Variants in AP5M1 observed in about 807,000 individuals in gnomAD.
AP5M1 encodes the protein adaptor related protein complex 5 subunit mu 1, also known as AP-5 complex subunit mu-1.
A neutral mutation model predicts 52.3 loss-of-function variants in AP5M1; 44 were observed. The ratio of observed to expected loss-of-function variants is 0.84; its 90% CI spans 0.66 to 1.08. The LOEUF (loss-of-function observed/expected upper bound fraction) is 1.08. AP5M1 is among the 50% of genes least tolerant of loss of function. The probability of loss-of-function intolerance (pLI) is 0.00; values close to 1 mark genes in which losing one functional copy is unlikely to be tolerated. For missense variants in AP5M1, 526 were observed against 568.4 expected (o/e 0.93, Z 0.76); for synonymous variants, 213 against 199.0 (o/e 1.07, Z -0.59).
At chr14:57,288,540 T>C (rs1885362109) in intron 7 of AP5M1, among the ~76,000 whole-genome samples, 2 of 151,884 alleles carry the variant, frequency 1.3e-5, no homozygotes, top group South Asian at 4.1e-4. Flanking sequence ...TTAGAGAAAA[T>C]GTGAAGATAA....
In AP5M1 at chr14:57,274,578, G is replaced by T. The variant is rs1465398845; in HGVS notation, c.409G>T (p.Gly137Trp). 6.2e-7 allele frequency: 1 copy of T among 1,614,068 alleles called. No individual in the cohort carries two copies. The highest frequency in any genetic ancestry group is 1.7e-5 in the Admixed American group (1 of 59,996). The change falls in exon 2 of 8, where the codon GGG becomes TGG. Residue 137 changes from glycine to tryptophan, a missense_variant. Gly to Trp is a radical substitution (Grantham distance 184). Coordinates refer to ENST00000261558, the MANE Select transcript of AP5M1 (RefSeq NM_018229.4). ...GVSQGFEFLFGIQDFLYSGQK... is the reference protein window; with the variant it reads ...GVSQGFEFLFWIQDFLYSGQK... ...TTCACAAGGCTTTGAATTTCTTTTT[G>T]GGATACAGGATTTTCTTTATTCAGG... is the stretch of plus-strand genomic sequence containing the variant.
intron 2 of AP5M1, among the ~76,000 whole-genome samples, chr14:57,276,094 A>G (rs909964717): frequency 2.6e-5 from 4 of 152,076 alleles, no homozygotes; most frequent in African/African-American, 9.7e-5. Flanking sequence ...TTTAACGTTA[A>G]AGTTACCTAA....
Position 57,269,043 on chromosome 14 carries a change from A to T in AP5M1, c.-272A>T, listed in dbSNP as rs1302956845. 3.1e-5 allele frequency: 17 copies of T among 554,592 alleles called. No homozygotes were observed. Among genetic ancestry groups the T allele is most frequent in the African/African-American group, 3.9e-5 (2 of 51,878 alleles). The allele number at this position is 554,592 out of a possible 1,614,324, so 34.4% of individuals were successfully genotyped here. On this transcript the variant is annotated 5_prime_UTR_variant, in exon 1 of 8. It adds an upstream start codon to the 5' untranslated region. Transcript: ENST00000261558. Reference sequence around the variant, plus strand: ...CATTCCGGAAGTAGAATTTAGAGGAAGAAAATACCGGAGTTGCAGGGTATA... The same window carrying T: ...CATTCCGGAAGTAGAATTTAGAGGATGAAAATACCGGAGTTGCAGGGTATA...
intron 7 of AP5M1, 49 bp downstream of exon 7, chr14:57,286,368 G>A (rs1885309415): frequency 1.0e-5 from 12 of 1,175,712 alleles, no homozygotes; most frequent in African/African-American, 3.0e-5. Flanking sequence ...AATGGTGTTT[G>A]CAGTTATTAC....
chr14:57,274,681 C>T lies in AP5M1; in HGVS notation c.512C>T (p.Thr171Ile), dbSNP rs1884977881. Reference protein sequence around the residue: ...DLLLQACPFGTLLDANLQNSL... With the variant: ...DLLLQACPFGILLDANLQNSL... ...CTTCTGCAGGCTTGTCCATTTGGTA[C>T]TTTATTAGATGCCAACTTACAGAAT... The change falls in exon 2 of 8, where the codon ACT becomes ATT. Residue 171 changes from threonine to isoleucine, a missense_variant. By Grantham distance (89) the Thr-to-Ile change is moderately conservative. Transcript: ENST00000261558. The T allele has an allele frequency of 1.2e-6, 2 of 1,614,034 alleles. No individual in the cohort carries two copies. Among genetic ancestry groups the T allele is most frequent in the Admixed American group, 1.7e-5 (1 of 60,004 alleles).
In AP5M1 at chr14:57,289,259, C is replaced by T. The variant is rs1885383192; in HGVS notation, c.*375C>T. 6.5e-6 allele frequency: 1 copy of T among 154,272 alleles called. No individual in the cohort carries two copies. Among genetic ancestry groups the T allele is most frequent in the African/African-American group, 2.4e-5 (1 of 41,446 alleles). 9.6% of individuals were successfully genotyped at this position (154,272 alleles called of 1,614,324 possible). ...TGAGCCTTGGATAAAGGGTCAGGCTCCTTTTTAGTTCAGAGATTCAGGCAG... is the reference window on the plus strand; with the variant it reads ...TGAGCCTTGGATAAAGGGTCAGGCTTCTTTTTAGTTCAGAGATTCAGGCAG... On this transcript the variant is annotated 3_prime_UTR_variant, in exon 8 of 8. Transcript: ENST00000261558.
intron 3 of AP5M1, 107 bp from the exon 4 acceptor site, chr14:57,281,967 GCTGTTACCAAAACAA>G: frequency 1.3e-6 from 1 of 774,196 alleles, no homozygotes; most frequent in Non-Finnish European, 1.9e-6. Flanking sequence ...ATTCATCATT[GCTGTTACCAAAACAA>G]CTTGGAATAA....
chr14:57,275,267 C>T, intron 2 of AP5M1: 1 of 296,178 alleles, frequency 3.4e-6, no homozygotes, highest in Non-Finnish European at 6.4e-6. Context: ...ATGACTCACT[C>T]ACATGGCTAA....
intron 7 of AP5M1, among the ~76,000 whole-genome samples, chr14:57,288,398 T>C (rs1885358914): frequency 6.6e-6 from 1 of 152,080 alleles, no homozygotes; most frequent in African/African-American, 2.4e-5. Context: ...TGTTAATTTA[T>C]ATCTCTGACA....
intron 2 of AP5M1, 74 bp downstream of exon 2, chr14:57,274,963 T>C: frequency 1.3e-6 from 2 of 1,523,422 alleles, no homozygotes; most frequent in East Asian, 4.5e-5. Flanking sequence ...GCTAGTTGTA[T>C]TTTAAATAAC....
chr14:57,293,088 G>C lies in AP5M1; in HGVS notation c.*4204G>C, dbSNP rs187756023. ...ATTTTAAATTTTGAAATATTATATG[G>C]AATTTTGCACAGTATTTTGAGAAAG... On this transcript the variant is annotated 3_prime_UTR_variant, in exon 8 of 8. Coordinates refer to ENST00000261558, the MANE Select transcript of AP5M1 (RefSeq NM_018229.4). 3.3e-5 allele frequency: 5 copies of C among 151,340 alleles called. No individual in the cohort carries two copies. The highest frequency in any genetic ancestry group is 4.4e-5 in the Non-Finnish European group (3 of 67,704). 9.4% of individuals were successfully genotyped at this position (151,340 alleles called of 1,614,324 possible).
At chr14:57,279,672 C>A (rs1885126358) in intron 2 of AP5M1, among the ~76,000 whole-genome samples, 1 of 152,018 alleles carries the variant, frequency 6.6e-6, no homozygotes, top group Non-Finnish European at 1.5e-5. Context: ...TGCACATGTA[C>A]CCTGGAACTT....
intron 2 of AP5M1, among the ~76,000 whole-genome samples, chr14:57,278,906 C>T (rs1446515464): frequency 6.6e-6 from 1 of 152,156 alleles, no homozygotes; most frequent in Non-Finnish European, 1.5e-5. Flanking sequence ...AGAAGACATA[C>T]ATGCAGCCAA....
At chr14:57,282,577 A>T (rs1171793519) in intron 4 of AP5M1, among the ~76,000 whole-genome samples, 1 of 152,320 alleles carries the variant, frequency 6.6e-6, no homozygotes, top group East Asian at 1.9e-4. Flanking sequence ...ATATTACTTT[A>T]TTATCAATTC....
At chr14:57,273,852 C>A (rs1884951188) in intron 1 of AP5M1, 1 of 638,136 alleles carries the variant, frequency 1.6e-6, no homozygotes. Flanking sequence ...CCTACTCTAG[C>A]TACTAAGATA....
chr14:57,280,392 G>C lies in AP5M1; in HGVS notation c.918G>C (p.Glu306Asp). The C allele has an allele frequency of 2.5e-6, 4 of 1,613,414 alleles. No homozygotes were observed. The highest frequency in any genetic ancestry group is 3.4e-6 in the Non-Finnish European group (4 of 1,179,320). ...AATTTCCATTCACTCCACCTTTAGA[G>C]TCATTCAACTTATGCTTCTACACTT... is the stretch of plus-strand genomic sequence containing the variant. ...PYKFPFTPPLESFNLCFYTSQ... is the reference protein window; with the variant it reads ...PYKFPFTPPLDSFNLCFYTSQ... Residue 306 changes from glutamate (E) to aspartate (D), a missense_variant, in exon 3 of 8, where the codon GAG becomes GAC. This residue lies in a region of AP5M1 where 425 missense variants were observed against 430.6 expected (regional missense o/e 0.99). Coordinates refer to ENST00000261558, the MANE Select transcript of AP5M1 (RefSeq NM_018229.4).
At position 57,284,694 on chromosome 14, in the gene AP5M1, A is replaced by G. The variant is rs189466641; in HGVS notation, c.1293+1464A>G. On this transcript the variant is annotated intron_variant, in intron 6 of 7. Transcript: ENST00000261558. ...CCAAGATGATATTGTTTAAAAAAAA[A>G]TGGAACTTAAACCAAACTTGACGCT... 6.0e-4 allele frequency among the ~76,000 whole-genome samples: 91 copies of G among 152,294 alleles called. 1 individual carries two copies. Among genetic ancestry groups the G allele is most frequent in the Admixed American group, 5.7e-3 (87 of 15,292 alleles).
intron 1 of AP5M1, among the ~76,000 whole-genome samples, chr14:57,272,827 A>C (rs1884926080): frequency 6.6e-6 from 1 of 152,198 alleles, no homozygotes; most frequent in African/African-American, 2.4e-5. Context: ...TTAATCAAGA[A>C]AATGCATCAG....
intron 7 of AP5M1, among the ~76,000 whole-genome samples, chr14:57,288,446 A>G (rs1219534276): frequency 6.6e-6 from 1 of 152,054 alleles, no homozygotes; most frequent in Non-Finnish European, 1.5e-5. Flanking sequence ...AATCAGGGCT[A>G]TGGTGATAAG....
Sources: gnomAD v4.1 joint callset for allele counts (sites outside exome capture counted in the v4.1 genomes callset) on GRCh38, gnomAD v4.1.1 for gene constraint, gnomAD v4.1.1 regional missense constraint, MANE v1.5 for transcripts, NCBI Gene and HGNC (gene_info 2026-07-23, HGNC 2026-07-21) for gene names.